The following DDX51 variants were observed in gnomAD, a reference collection of about 807,000 sequenced individuals.
DDX51 encodes the protein DEAD-box helicase 51, also known as ATP-dependent RNA helicase DDX51.
In DDX51, 67 loss-of-function variants were observed where a neutral mutation model predicts 74.6. That is an observed-to-expected ratio of 0.90 (90% CI 0.74 to 1.10). The LOEUF (loss-of-function observed/expected upper bound fraction) is 1.10, where lower values mean the gene tolerates loss of function less well. DDX51 is among the 50% of genes least tolerant of loss of function. DDX51 has a pLI of 0.00. For synonymous variants in DDX51, 545 were observed against 402.9 expected (o/e 1.35, Z -4.22); for missense variants, 1,056 against 905.2 (o/e 1.17, Z -2.14).
chr12:132,143,949 A>C, intron 1 of DDX51, 40 bp from the exon 2 acceptor site: 1 of 1,470,960 alleles, frequency 6.8e-7, no homozygotes, highest in Non-Finnish European at 8.9e-7. Context: ...GTCAGCACCG[A>C]GTCGCCGGCG....
rs200438999 is a variant in DDX51, at chr12:132,140,728, T to C, written c.1448A>G (p.Tyr483Cys). ...CTTAGAGCTGAGGCTGCAGGGCACG[T>C]AGTGGTGCTACAGGGACGGCAGGGG... is the stretch of plus-strand genomic sequence containing the variant. ...YAFPVGLTHH[Y>C]VPCSLSSKPL... is the part of the protein sequence containing the mutation. Residue 483 changes from tyrosine (Y) to cysteine (C), a missense_variant, in exon 10 of 15, where the codon TAC becomes TGC. By Grantham distance (194) the Tyr-to-Cys change is radical (BLOSUM62 -2). Transcript: ENST00000397333. 3.8e-4 allele frequency: 619 copies of C among 1,612,938 alleles called. 1 individual carries two copies. Among genetic ancestry groups the C allele is most frequent in the Admixed American group, 5.2e-4 (31 of 60,014 alleles).
At chr12:132,142,922 C>G in intron 2 of DDX51, 44 bp from the exon 3 acceptor site, 1 of 1,608,838 alleles carries the variant, frequency 6.2e-7, no homozygotes, top group Non-Finnish European at 8.5e-7. Flanking sequence ...GCTTTCCAGG[C>G]TCTCGCGCAG....
rs1897573179 is a variant in DDX51, at chr12:132,143,685, C to G, written c.519+10G>C. On this transcript the variant is annotated intron_variant, in intron 2 of 14. Transcript: ENST00000397333. Reference sequence around the variant, plus strand: ...TCACGCCGACCACCCTCCCGCCCGCCGAGGCTCACCTTCGGCGCCTTCCTC... The same window carrying G: ...TCACGCCGACCACCCTCCCGCCCGCGGAGGCTCACCTTCGGCGCCTTCCTC... The G allele has an allele frequency of 6.5e-7, 1 of 1,537,182 alleles. No homozygotes were observed. Among genetic ancestry groups the G allele is most frequent in the African/African-American group, 1.4e-5 (1 of 71,902 alleles).
chr12:132,139,380 CCT>C (rs1897361296), intron 14 of DDX51, 82 bp from the exon 15 acceptor site: 1 of 1,570,200 alleles, frequency 6.4e-7, no homozygotes, highest in Non-Finnish European at 8.6e-7. Flanking sequence ...CCCCTGGAAC[CCT>C]GAGGACAGGA....
chr12:132,144,040 G>A lies in DDX51; in HGVS notation c.257C>T (p.Ala86Val), dbSNP rs1897597260. Residue 86 changes from alanine to valine, a missense_variant, in exon 1 of 15, where the codon GCG (alanine) becomes GTG (valine). Ala to Val is a moderately conservative substitution (Grantham distance 64). Transcript: ENST00000397333. The part of the protein sequence containing the change: ...VNDAEPGSPE[A>V]PQGKRRKADG... ...CGCCTTCCGTCGCTTTCCCTGCGGC[G>A]CCTCCGGGCTCCCCGGCTCCGCGTC... 2.2e-6 allele frequency: 3 copies of A among 1,349,498 alleles called. No homozygotes were observed. Among genetic ancestry groups the A allele is most frequent in the Middle Eastern group, 2.7e-4 (1 of 3,658 alleles). The allele number at this position is 1,349,498 out of a possible 1,614,324, so 83.6% of individuals were successfully genotyped here.
At position 132,144,234 on chromosome 12, in the gene DDX51, C is replaced by T; in HGVS notation, c.63G>A (p.Glu21=). 1.6e-6 allele frequency: 2 copies of T among 1,226,860 alleles called. No homozygotes were observed. The highest frequency in any genetic ancestry group is 2.0e-6 in the Non-Finnish European group (2 of 984,500). 76.0% of individuals were successfully genotyped at this position (1,226,860 alleles called of 1,614,324 possible). Residue 21 remains glutamate, a synonymous_variant, in exon 1 of 15, where the codon GAG becomes GAA. Coordinates refer to ENST00000397333, the MANE Select transcript of DDX51 (RefSeq NM_175066.4). The part of the protein sequence containing the change: ...GPDAAAAAGP[E]GAEAGAHGRA... ...TGCCGTGCGCCCCGGCCTCCGCGCC[C>T]TCCGGCCCCGCCGCAGCTGCCGCAT...
chr12:132,141,674 C>T, intron 6 of DDX51, 68 bp from the exon 7 acceptor site: 1 of 1,514,952 alleles, frequency 6.6e-7, no homozygotes, highest in Non-Finnish European at 8.9e-7. Context: ...AAGACGCTGC[C>T]TCACCCCACA....
In DDX51 at chr12:132,140,189, T is replaced by C. The variant is rs1215704384; in HGVS notation, c.1684A>G (p.Thr562Ala). 1 of 1,612,348 alleles carries C rather than the reference T, an allele frequency of 6.2e-7. No homozygotes were observed. Among genetic ancestry groups the C allele is most frequent in the Non-Finnish European group, 8.5e-7 (1 of 1,179,714 alleles). ...EQGKIQLLISTDATARGIDVQ... is the reference protein window; with the variant it reads ...EQGKIQLLISADATARGIDVQ... ...TCGATGCCTCGCGCGGTGGCGTCCG[T>C]GCTGATGAGCCTGCCGGGACACGCA... Residue 562 changes from threonine to alanine, a missense_variant, in exon 12 of 15, where the codon ACG becomes GCG. Coordinates refer to ENST00000397333, the MANE Select transcript of DDX51 (RefSeq NM_175066.4).
In DDX51 at chr12:132,142,162, A is replaced by G. The variant is rs1454517778; in HGVS notation, c.845T>C (p.Ile282Thr). 6.4e-7 allele frequency: 1 copy of G among 1,554,360 alleles called. No individual in the cohort carries two copies. The highest frequency in any genetic ancestry group is 1.4e-5 in the African/African-American group (1 of 73,402). Reference sequence around the variant, plus strand: ...GGTGGGCAGCACAACCAGGGCACGGATGTGGCAGACCACTCTCGAAAGCAG... The same window carrying G: ...GGTGGGCAGCACAACCAGGGCACGGGTGTGGCAGACCACTCTCGAAAGCAG... The part of the protein sequence containing the change: ...QALLSRVVCH[I>T]RALVVLPTKE... The change falls in exon 5 of 15, where the codon ATC (isoleucine) becomes ACC (threonine). Residue 282 changes from isoleucine to threonine, a missense_variant. Coordinates refer to ENST00000397333, the MANE Select transcript of DDX51 (RefSeq NM_175066.4).
intron 14 of DDX51, 97 bp from the exon 15 acceptor site, chr12:132,139,395 C>A (rs1023599587): frequency 3.9e-6 from 6 of 1,555,000 alleles, no homozygotes; most frequent in Admixed American, 1.9e-5. Flanking sequence ...GGACAGGAAG[C>A]CCTGTGCATG....
Position 132,137,400 on chromosome 12 carries a change from T to C in DDX51, c.*1872A>G, listed in dbSNP as rs1347094673. 3 of 152,206 alleles carry C rather than the reference T, an allele frequency of 2.0e-5. No individual in the cohort carries two copies. The highest frequency in any genetic ancestry group is 4.4e-5 in the Non-Finnish European group (3 of 68,052). The allele number at this position is 152,206 out of a possible 1,614,324, so 9.4% of individuals were successfully genotyped here. ...CCCGAGGTTAGAAAGGGAGCTATTT[T>C]TGAGCTGCTTTTTGTTAAAAGGCAA... On this transcript the variant is annotated 3_prime_UTR_variant, in exon 15 of 15. Transcript: ENST00000397333.
At chr12:132,140,030 G>T (rs181335926) in intron 12 of DDX51, 68 bp downstream of exon 12, 3 of 1,605,212 alleles carry the variant, frequency 1.9e-6, no homozygotes, top group Admixed American at 3.4e-5. Context: ...AGTCAAGACG[G>T]TCCCACATCA....
Position 132,144,307 on chromosome 12 carries a change from A to G in DDX51, c.-11T>C, listed in dbSNP as rs1897614774. 4 of 1,336,062 alleles carry G rather than the reference A, an allele frequency of 3.0e-6. No homozygotes were observed. Among genetic ancestry groups the G allele is most frequent in the Non-Finnish European group, 2.9e-6 (3 of 1,047,302 alleles). The allele number at this position is 1,336,062 out of a possible 1,614,324, so 82.8% of individuals were successfully genotyped here. ...GTAGAACAGCGCCATGGCCAGCCGCACGCCTGGGACTCGGGCGTGGCGCGC... is the reference window on the plus strand; with the variant it reads ...GTAGAACAGCGCCATGGCCAGCCGCGCGCCTGGGACTCGGGCGTGGCGCGC... On this transcript the variant is annotated 5_prime_UTR_variant, in exon 1 of 15. Coordinates refer to ENST00000397333, the MANE Select transcript of DDX51 (RefSeq NM_175066.4).
intron 8 of DDX51, 80 bp downstream of exon 8, chr12:132,141,195 C>T (rs976467952): frequency 2.0e-6 from 3 of 1,514,676 alleles, no homozygotes; most frequent in Non-Finnish European, 2.6e-6. Context: ...CCACCCTTAT[C>T]TCTGGGCATT....
chr12:132,142,413 G>A lies in DDX51; in HGVS notation c.680C>T (p.Ala227Val). 1 of 1,612,142 alleles carries A rather than the reference G, an allele frequency of 6.2e-7. No homozygotes were observed. Among genetic ancestry groups the A allele is most frequent in the Non-Finnish European group, 8.5e-7 (1 of 1,179,974 alleles). The change falls in exon 4 of 15, where the codon GCT (alanine) becomes GTT (valine). Residue 227 changes from alanine (A) to valine (V), a missense_variant. Transcript: ENST00000397333. ...GCTCTCCAGGAGGGCAGGAATCACA[G>A]CTGCCTGGACTGGATGAGGAAAGGC... ...GISSYFPVQA[A>V]VIPALLESAA...
chr12:132,142,242 C>T (rs1174286596), intron 4 of DDX51, 35 bp downstream of exon 4: 4 of 1,607,936 alleles, frequency 2.5e-6, no homozygotes, highest in Non-Finnish European at 3.4e-6. Context: ...GTCCTCTGCA[C>T]ACCCGCTGTA....
In DDX51 at chr12:132,139,850, C is replaced by T. The variant is rs1897378736; in HGVS notation, c.1839+11G>A. On this transcript the variant is annotated intron_variant, in intron 13 of 14. Coordinates refer to ENST00000397333, the MANE Select transcript of DDX51 (RefSeq NM_175066.4). Reference sequence around the variant, plus strand: ...CAACAGCAGAAACTCCCAAGACCCTCGCAGCCTCACCTGCACTTTCAGGAG... The same window carrying T: ...CAACAGCAGAAACTCCCAAGACCCTTGCAGCCTCACCTGCACTTTCAGGAG... The T allele has an allele frequency of 1.9e-6, 3 of 1,613,102 alleles. No homozygotes were observed. The highest frequency in any genetic ancestry group is 8.5e-7 in the Non-Finnish European group (1 of 1,179,946).
chr12:132,143,594 G>A (rs896270791), intron 2 of DDX51, 101 bp downstream of exon 2: 1 of 1,442,728 alleles, frequency 6.9e-7, no homozygotes, highest in Admixed American at 2.0e-5. Context: ...TGTGACCCGG[G>A]AACATTCGCT....
At chr12:132,142,253 G>C (rs938334100) in intron 4 of DDX51, 24 bp downstream of exon 4, 10 of 1,611,272 alleles carry the variant, frequency 6.2e-6, no homozygotes, top group Non-Finnish European at 6.8e-6. Context: ...ACCCGCTGTA[G>C]AGAAAGGGGA....
Sources: allele counts gnomAD v4.1 joint callset, GRCh38; gene constraint gnomAD v4.1.1; transcripts MANE v1.5; gene names NCBI Gene and HGNC (gene_info 2026-07-23, HGNC 2026-07-21).